NTN1: variants seen among roughly 807,000 people sequenced by gnomAD.
NTN1 encodes netrin 1.
NTN1 carries 11 observed loss-of-function variants against 54.2 expected under a neutral mutation model. That is an observed-to-expected ratio of 0.20 (90% CI 0.13 to 0.34). The LOEUF (loss-of-function observed/expected upper bound fraction) is 0.34, where lower values mean the gene tolerates loss of function less well. NTN1 is among the 10% of genes least tolerant of loss of function. NTN1 has a pLI of 1.00. For missense variants in NTN1, 740 were observed against 893.1 expected (o/e 0.83, Z 2.18); for synonymous variants, 371 against 382.0 (o/e 0.97, Z 0.33).
chr17:9,116,301 C>G (rs923412315), intron 2 of NTN1, among the ~76,000 whole-genome samples: 2 of 139,078 alleles, frequency 1.4e-5, no homozygotes, highest in African/African-American at 6.5e-5. Context: ...AGTTTTGAGC[C>G]ACCCACCCAC....
At chr17:9,078,070 A>G (rs1209814523) in intron 2 of NTN1, among the ~76,000 whole-genome samples, 1 of 147,018 alleles carries the variant, frequency 6.8e-6, no homozygotes, top group African/African-American at 2.7e-5. Flanking sequence ...CCATCCATCC[A>G]TCCATCCATC....
At chr17:9,163,360 A>C (rs2092363775) in intron 3 of NTN1, among the ~76,000 whole-genome samples, 1 of 151,976 alleles carries the variant, frequency 6.6e-6, no homozygotes, top group Non-Finnish European at 1.5e-5. Context: ...GCTGCATACC[A>C]GAGGGCTGCG....
chr17:9,012,712 C>T, the NTN1 span, among the ~76,000 whole-genome samples: 1 of 152,034 alleles, frequency 6.6e-6, no homozygotes, highest in African/African-American at 2.4e-5. Context: ...TAAAATCCAC[C>T]TCCCCTCCTG....
intron 2 of NTN1, among the ~76,000 whole-genome samples, chr17:9,077,523 G>A (rs11078781): frequency 0.46 from 69,359 of 151,984 alleles, 16,062 homozygotes; most frequent in East Asian, 0.58. Flanking sequence ...GGAGATAATA[G>A]TCCCCAATTC....
chr17:9,215,029 G>T (rs964538911), intron 5 of NTN1, among the ~76,000 whole-genome samples: 6 of 151,382 alleles, frequency 4.0e-5, no homozygotes, highest in Admixed American at 2.0e-4. Flanking sequence ...AATTTATATC[G>T]TTTTTCTCCA....
chr17:9,133,754 A>ATTTTTTTTTTT (rs57053201), intron 2 of NTN1, among the ~76,000 whole-genome samples: 11 of 104,548 alleles, frequency 1.1e-4, no homozygotes, highest in African/African-American at 1.6e-4. Flanking sequence ...TGCCCAGCTA[A>ATTTTTTTTTTT]TTTTTTTTTT....
At chr17:9,185,344 C>A (rs1201100487) in intron 5 of NTN1, among the ~76,000 whole-genome samples, 1 of 152,118 alleles carries the variant, frequency 6.6e-6, no homozygotes, top group Non-Finnish European at 1.5e-5. Flanking sequence ...AACCTGTCCA[C>A]TCTTGCCGTG....
intron 2 of NTN1, among the ~76,000 whole-genome samples, chr17:9,145,082 A>C (rs907794218): frequency 2.0e-5 from 3 of 152,220 alleles, no homozygotes; most frequent in Non-Finnish European, 4.4e-5. Flanking sequence ...AGGCAGGCGC[A>C]TGAAATCCGA....
At position 9,023,132 on chromosome 17, in the gene NTN1, C is replaced by T. The variant is rs773424833; in HGVS notation, c.759C>T (p.Arg253=). The change falls in exon 2 of 7, where the codon CGC becomes CGT. Residue 253 remains arginine (R), a synonymous_variant. Transcript: ENST00000173229. ...CAGACATCCGCGTGGCCTTCAGCCG[C>T]CTGCACACGTTCGGCGACGAGAACG... ...TATDIRVAFS[R]LHTFGDENED... 3 of 1,564,738 alleles carry T rather than the reference C, an allele frequency of 1.9e-6. No individual in the cohort carries two copies. The highest frequency in any genetic ancestry group is 1.7e-4 in the Middle Eastern group (1 of 6,004).
upstream of NTN1, among the ~76,000 whole-genome samples, chr17:9,018,936 C>T (rs1052376954): frequency 1.3e-5 from 2 of 152,310 alleles, no homozygotes; most frequent in African/African-American, 2.4e-5. Context: ...TTCTGGGCCA[C>T]GCCCCCACAA....
At chr17:9,106,622 T>A (rs1458413712) in intron 2 of NTN1, among the ~76,000 whole-genome samples, 1 of 152,032 alleles carries the variant, frequency 6.6e-6, no homozygotes, top group Non-Finnish European at 1.5e-5. Flanking sequence ...CAAGCAATTC[T>A]CCTGCCTCAG....
In NTN1 at chr17:9,239,613, C is replaced by T. The variant is rs1293973955; in HGVS notation, c.1487-27C>T. 6 of 1,596,234 alleles carry T rather than the reference C, an allele frequency of 3.8e-6. No individual in the cohort carries two copies. The highest frequency in any genetic ancestry group is 1.7e-5 in the Admixed American group (1 of 59,592). On this transcript the variant is annotated intron_variant, in intron 6 of 6. Coordinates refer to ENST00000173229, the MANE Select transcript of NTN1 (RefSeq NM_004822.3). The surrounding 1 kb of genome is among the most constrained non-coding windows in gnomAD (Gnocchi z 5.2). ...GACCTAGCCACAGCAGCTGGGAGCC[C>T]ACCCGTCTGCCTGTGCTTCCTTGCA...
At chr17:9,041,776 A>T (rs2091922342) in intron 2 of NTN1, among the ~76,000 whole-genome samples, 1 of 152,056 alleles carries the variant, frequency 6.6e-6, no homozygotes, top group Non-Finnish European at 1.5e-5. Context: ...TGGGAGGCGG[A>T]GGCGGGTGGA....
intron 5 of NTN1, among the ~76,000 whole-genome samples, chr17:9,204,579 G>C (rs916416642): frequency 6.6e-6 from 1 of 152,246 alleles, no homozygotes; most frequent in East Asian, 1.9e-4. Flanking sequence ...ACAGGCGTGA[G>C]CCAAGCAACC....
chr17:9,202,435 T>C (rs1299195780), intron 5 of NTN1, among the ~76,000 whole-genome samples: 1 of 152,140 alleles, frequency 6.6e-6, no homozygotes, highest in Non-Finnish European at 1.5e-5. Flanking sequence ...GCTAGCACCT[T>C]CCACACAGGG....
chr17:9,026,545 CA>C (rs1212977272), intron 2 of NTN1, among the ~76,000 whole-genome samples: 1 of 152,154 alleles, frequency 6.6e-6, no homozygotes, highest in Non-Finnish European at 1.5e-5. Flanking sequence ...TGTGCATTCA[CA>C]TTCATTGTGT....
chr17:9,105,537 T>C (rs549699355), intron 2 of NTN1, among the ~76,000 whole-genome samples: 9 of 152,218 alleles, frequency 5.9e-5, no homozygotes, highest in Middle Eastern at 6.8e-3. Context: ...CGTTCTTCAG[T>C]GTTCATGATA....
intron 5 of NTN1, among the ~76,000 whole-genome samples, chr17:9,208,069 C>T (rs1567739066): frequency 6.6e-6 from 1 of 151,902 alleles, no homozygotes; most frequent in Non-Finnish European, 1.5e-5. Context: ...CCATCTCTAC[C>T]AAAAATACAA....
At chr17:9,043,976 A>G (rs1282767323) in intron 2 of NTN1, among the ~76,000 whole-genome samples, 1 of 151,986 alleles carries the variant, frequency 6.6e-6, no homozygotes, top group African/African-American at 2.4e-5. Flanking sequence ...GCTCAGTTCA[A>G]CTAACATTAT....
Sources: gnomAD v4.1 joint callset for allele counts (sites outside exome capture counted in the v4.1 genomes callset) on GRCh38, gnomAD v4.1.1 for gene constraint, Gnocchi (gnomAD v3.1) non-coding constraint, MANE v1.5 for transcripts, NCBI Gene and HGNC (gene_info 2026-07-23, HGNC 2026-07-21) for gene names.